Variants in PGR observed in about 807,000 individuals in gnomAD.
PGR encodes nuclear receptor subfamily 3 group C member 3.
Under a neutral mutation model 76.1 loss-of-function variants are expected in PGR, and 25 were observed. The observed-to-expected ratio is 0.33, with a 90% CI of 0.24 to 0.46. The LOEUF is 0.46. PGR is among the 20% of genes least tolerant of loss of function. The pLI is 1.00. For missense variants in PGR, 1,172 were observed against 1,225.3 expected (o/e 0.96, Z 0.65); for synonymous variants, 579 against 535.0 (o/e 1.08, Z -1.14).
At chr11:101,119,457 C>T (rs1834064835) in intron 2 of PGR, among the ~76,000 whole-genome samples, 1 of 152,170 alleles carries the variant, frequency 6.6e-6, no homozygotes, top group Non-Finnish European at 1.5e-5. Context: ...TGTGGCCATG[C>T]TGTTAGAAGA....
chr11:101,044,148 A>G (rs949982030), intron 6 of PGR, among the ~76,000 whole-genome samples: 11 of 152,066 alleles, frequency 7.2e-5, no homozygotes, highest in African/African-American at 2.7e-4. Flanking sequence ...TACCCTGAAA[A>G]CCTGTTTTTT....
At chr11:101,068,288 TA>T (rs1860795954) in intron 3 of PGR, among the ~76,000 whole-genome samples, 1 of 151,998 alleles carries the variant, frequency 6.6e-6, no homozygotes, top group Non-Finnish European at 1.5e-5. Flanking sequence ...CAAAGAGAAT[TA>T]AATGCCCAGG....
At chr11:101,057,380 G>A (rs927427314) in intron 4 of PGR, among the ~76,000 whole-genome samples, 23 of 152,178 alleles carry the variant, frequency 1.5e-4, no homozygotes, top group African/African-American at 4.6e-4. Flanking sequence ...TCTTAGAGTC[G>A]TGTGAAGAGG....
chr11:101,036,294 G>C lies in PGR; in HGVS notation c.*2822C>G, dbSNP rs1859513834. On this transcript the variant is annotated 3_prime_UTR_variant, in exon 8 of 8. Coordinates refer to ENST00000325455, the MANE Select transcript of PGR (RefSeq NM_000926.4). ...TAGCATAGCATTGCCTTATTAAAAAGTGCCACATCTTTAAACATTAAACAC... is the reference window on the plus strand; with the variant it reads ...TAGCATAGCATTGCCTTATTAAAAACTGCCACATCTTTAAACATTAAACAC... 1 of 218,498 alleles carries C rather than the reference G, an allele frequency of 4.6e-6. No individual in the cohort carries two copies. The allele number at this position is 218,498 out of a possible 1,614,324, so 13.5% of individuals were successfully genotyped here. A position where few individuals can be genotyped will look rare whatever the true frequency, so the allele number is the denominator to read the frequency against.
intron 2 of PGR, among the ~76,000 whole-genome samples, chr11:101,095,719 T>C (rs1332455299): frequency 1.3e-5 from 2 of 152,206 alleles, no homozygotes; most frequent in African/African-American, 4.8e-5. Flanking sequence ...ATCTAAGGAA[T>C]ACACAAGCTC....
chr11:101,036,872 C>A lies in PGR; in HGVS notation c.*2244G>T, dbSNP rs568179540. 4 of 193,484 alleles carry A rather than the reference C, an allele frequency of 2.1e-5. No homozygotes were observed. Among genetic ancestry groups the A allele is most frequent in the East Asian group, 8.1e-5 (1 of 12,276 alleles). 12.0% of individuals were successfully genotyped at this position (193,484 alleles called of 1,614,324 possible). A position where few individuals can be genotyped will look rare whatever the true frequency, so the allele number is the denominator to read the frequency against. On this transcript the variant is annotated 3_prime_UTR_variant, in exon 8 of 8. Coordinates refer to ENST00000325455, the MANE Select transcript of PGR (RefSeq NM_000926.4). ...ATATCATCAAAATATTGGTTTAATT[C>A]AAAGTAACAAGAATCAGATAATAAA...
chr11:101,057,483 A>C (rs1042421994), intron 4 of PGR, among the ~76,000 whole-genome samples: 1 of 152,170 alleles, frequency 6.6e-6, no homozygotes, highest in Admixed American at 6.6e-5. Flanking sequence ...ATTTGGAAAA[A>C]GAAATGGAAA....
rs1859459977 is a variant in PGR, at chr11:101,034,928, C to A, written c.*4188G>T. On this transcript the variant is annotated 3_prime_UTR_variant, in exon 8 of 8. Coordinates refer to ENST00000325455, the MANE Select transcript of PGR (RefSeq NM_000926.4). ...AACAGAGATTGTTGTTTTCACTCAG[C>A]CATGAATAAGAAAAAAAGAAACCAC... 5.4e-6 allele frequency: 1 copy of A among 186,422 alleles called. No individual in the cohort carries two copies. The highest frequency in any genetic ancestry group is 1.9e-4 in the South Asian group (1 of 5,142). The allele number at this position is 186,422 out of a possible 1,614,324, so 11.5% of individuals were successfully genotyped here. A position where few individuals can be genotyped will look rare whatever the true frequency, so the allele number is the denominator to read the frequency against.
At chr11:101,098,154 T>C (rs116511284) in intron 2 of PGR, among the ~76,000 whole-genome samples, 1,886 of 152,294 alleles carry the variant, frequency 0.012, 32 homozygotes, top group African/African-American at 0.04. Context: ...TTTATTTGCC[T>C]AGTGACTTAC....
rs997822251 is a variant in PGR at position 101,031,490 on chromosome 11, C to T, written c.*7626G>A. On this transcript the variant is annotated 3_prime_UTR_variant, in exon 8 of 8. Transcript: ENST00000325455. ...GAAAAAACATGGATAGATTATTAAG[C>T]GCCAAGTTTTCTCTTCAACCTACTG... 12 of 228,938 alleles carry T rather than the reference C, an allele frequency of 5.2e-5. No individual in the cohort carries two copies. Among genetic ancestry groups the T allele is most frequent in the Non-Finnish European group, 7.8e-5 (9 of 115,578 alleles). The allele number at this position is 228,938 out of a possible 1,614,324, so 14.2% of individuals were successfully genotyped here. A position where few individuals can be genotyped will look rare whatever the true frequency, so the allele number is the denominator to read the frequency against.
intron 5 of PGR, 81 bp downstream of exon 5, chr11:101,051,343 G>T: frequency 3.3e-6 from 3 of 915,862 alleles, no homozygotes; most frequent in African/African-American, 1.6e-5. Flanking sequence ...CTAAATATGT[G>T]ATCATCTATT....
At position 101,042,751 on chromosome 11, in the gene PGR, T is replaced by C. The variant is rs559857158; in HGVS notation, c.2489-649A>G. Among the ~76,000 whole-genome samples the C allele has an allele frequency of 1.5e-3, 234 of 152,298 alleles. 3 individuals are homozygous for C. Among genetic ancestry groups the C allele is most frequent in the South Asian group, 0.011 (51 of 4,826 alleles). ...CCAGACCACGGCAATGAAGGAAATATTGCAACAAAGTGAATCACATGCATC... is the reference window on the plus strand; with the variant it reads ...CCAGACCACGGCAATGAAGGAAATACTGCAACAAAGTGAATCACATGCATC... On this transcript the variant is annotated intron_variant, in intron 6 of 7. Coordinates refer to ENST00000325455, the MANE Select transcript of PGR (RefSeq NM_000926.4).
At position 101,070,455 on chromosome 11, in the gene PGR, T is replaced by A. The variant is rs145296429; in HGVS notation, c.1907-7703A>T. ...TTTTTTTTCATACCCCAGTGGCACC[T>A]GGAATGCCAGTGAGACAGAACCATT... is the stretch of plus-strand genomic sequence containing the variant. On this transcript the variant is annotated intron_variant, in intron 3 of 7. Transcript: ENST00000325455. 8.1e-3 allele frequency among the ~76,000 whole-genome samples: 1,227 copies of A among 152,146 alleles called. 17 individuals are homozygous for A. The highest frequency in any genetic ancestry group is 0.026 in the African/African-American group (1,083 of 41,524).
At chr11:101,076,092 G>A (rs1435311930) in intron 3 of PGR, among the ~76,000 whole-genome samples, 1 of 152,172 alleles carries the variant, frequency 6.6e-6, no homozygotes, top group Non-Finnish European at 1.5e-5. Context: ...TGATAGACTG[G>A]ATAAAGAAAA....
chr11:101,098,836 G>C (rs1158598145), intron 2 of PGR, among the ~76,000 whole-genome samples: 4 of 152,134 alleles, frequency 2.6e-5, no homozygotes, highest in Non-Finnish European at 5.9e-5. Flanking sequence ...ATGAAAACAG[G>C]GCTAGAAAAC....
chr11:101,096,277 A>G lies in PGR; in HGVS notation c.1790-4401T>C, dbSNP rs531629906. The stretch of plus-strand genomic sequence containing the variant: ...GCCTGTGACAGGCTGGAATGGCTTA[A>G]AGAAATCTGGAAGCTCAATTCACTC... On this transcript the variant is annotated intron_variant, in intron 2 of 7. Coordinates refer to ENST00000325455, the MANE Select transcript of PGR (RefSeq NM_000926.4). 3.3e-5 allele frequency among the ~76,000 whole-genome samples: 5 copies of G among 152,338 alleles called. No individual in the cohort carries two copies. In the South Asian group the frequency reaches 1.0e-3, roughly 32 times the overall value.
intron 2 of PGR, among the ~76,000 whole-genome samples, chr11:101,109,373 A>G (rs915745071): frequency 6.6e-6 from 1 of 152,190 alleles, no homozygotes; most frequent in Admixed American, 6.5e-5. Flanking sequence ...ATGTTCTTGA[A>G]GGAAGTTAAA....
chr11:101,113,822 G>A (rs1862417913), intron 2 of PGR, among the ~76,000 whole-genome samples: 1 of 152,100 alleles, frequency 6.6e-6, no homozygotes, highest in African/African-American at 2.4e-5. Context: ...CTCTCCTTGA[G>A]CCCTTGCTTC....
intron 7 of PGR, 64 bp from the exon 8 acceptor site, chr11:101,039,335 A>C: frequency 8.4e-7 from 1 of 1,196,186 alleles, no homozygotes. Context: ...TGCTATTCAA[A>C]CATGGCAATT....
Sources: allele counts gnomAD v4.1 joint callset (sites outside exome capture counted in the v4.1 genomes callset), GRCh38; gene constraint gnomAD v4.1.1; transcripts MANE v1.5; gene names NCBI Gene and HGNC (gene_info 2026-07-23, HGNC 2026-07-21).